Variants in ACOT7 observed in about 807,000 individuals in gnomAD.
ACOT7 encodes the protein acyl-CoA thioesterase 7, also known as cytosolic acyl coenzyme A thioester hydrolase.
Under a neutral mutation model 40.2 loss-of-function variants are expected in ACOT7, and 12 were observed. That is an observed-to-expected ratio of 0.30 (90% confidence interval 0.19 to 0.48). The LOEUF is 0.48. Among genes scored for constraint, ACOT7 ranks in the 20% least tolerant of loss-of-function variants. ACOT7 has a pLI of 0.99. For missense variants in ACOT7, 395 were observed against 530.8 expected, an observed-to-expected ratio of 0.74 and a Z score of 2.51; for synonymous variants, 228 against 219.5, an observed-to-expected ratio of 1.04 and a Z score of -0.34.
chr1:6,291,891 G>A (rs1639675603), intron 7 of ACOT7, among the ~76,000 whole-genome samples: 1 of 152,218 alleles, frequency 6.6e-6, no homozygotes, highest in Admixed American at 6.5e-5. Context: ...GCCTCGCTCT[G>A]TTTCCCTACC....
chr1:6,294,475 ACCCTGC>A lies in ACOT7; in HGVS notation c.829+383_829+388del, dbSNP rs533494721. ...GGCTCCTGCGGGCTTTTCTGTACTG[ACCCTGC>A]CACTGCCTAAATCATGAATCATTAA... On this transcript the variant is annotated intron_variant, in intron 7 of 8. Coordinates refer to ENST00000361521, the MANE Select transcript of ACOT7 (RefSeq NM_007274.4). The surrounding 1 kb of genome is among the most constrained non-coding windows in gnomAD (Gnocchi z 4.6). Among the ~76,000 whole-genome samples the A allele has an allele frequency of 3.8e-4, 58 of 152,218 alleles. No homozygotes were observed. Among genetic ancestry groups the A allele is most frequent in the African/African-American group, 1.3e-3 (55 of 41,534 alleles).
intron 5 of ACOT7, among the ~76,000 whole-genome samples, chr1:6,322,713 C>T (rs1261508309): frequency 2.0e-5 from 3 of 152,202 alleles, no homozygotes; most frequent in Admixed American, 2.0e-4. Context: ...AACTTAATTA[C>T]CTCTTTAAAG....
chr1:6,325,009 A>G (rs971115763), intron 5 of ACOT7, among the ~76,000 whole-genome samples: 1 of 152,138 alleles, frequency 6.6e-6, no homozygotes, highest in Non-Finnish European at 1.5e-5. Context: ...TGCCCTCCCA[A>G]AAGCACGGCC....
At chr1:6,310,236 G>T (rs900811408) in intron 6 of ACOT7, among the ~76,000 whole-genome samples, 1 of 152,254 alleles carries the variant, frequency 6.6e-6, no homozygotes, top group Non-Finnish European at 1.5e-5. Flanking sequence ...CGGGAGAAAA[G>T]GTGGGAAGAG....
At chr1:6,360,850 G>A (rs1356228124) in intron 1 of ACOT7, 6 of 1,098,562 alleles carry the variant, frequency 5.5e-6, no homozygotes, top group African/African-American at 1.6e-5. Context: ...AAATCAGTGA[G>A]GACCTACCAG....
intron 2 of ACOT7, among the ~76,000 whole-genome samples, chr1:6,339,884 C>T (rs1421236390): frequency 4.7e-5 from 7 of 150,354 alleles, no homozygotes; most frequent in Non-Finnish European, 8.8e-5. Flanking sequence ...GGACTACAGG[C>T]GCCCGCTGGG....
intron 1 of ACOT7, among the ~76,000 whole-genome samples, chr1:6,366,490 G>GGTGGGA (rs1642014310): frequency 6.6e-6 from 1 of 151,902 alleles, no homozygotes; most frequent in African/African-American, 2.4e-5. Flanking sequence ...AGAGGCTAAG[G>GGTGGGA]GTGGGAGGAT....
intron 6 of ACOT7, 46 bp downstream of exon 6, chr1:6,318,443 CAAT>C: frequency 1.9e-6 from 3 of 1,583,402 alleles, no homozygotes; most frequent in African/African-American, 1.3e-5. Context: ...AGAGAAGCAA[CAAT>C]GAGCCAAGGG....
At chr1:6,328,771 T>C (rs1640876140) in intron 4 of ACOT7, among the ~76,000 whole-genome samples, 2 of 152,202 alleles carry the variant, frequency 1.3e-5, no homozygotes, top group African/African-American at 4.8e-5. Flanking sequence ...GGATACTGCA[T>C]TTCTTGGACG....
chr1:6,363,364 T>C (rs1045149355), intron 1 of ACOT7, among the ~76,000 whole-genome samples: 3 of 152,020 alleles, frequency 2.0e-5, no homozygotes, highest in Non-Finnish European at 2.9e-5. Flanking sequence ...GGAGTCTCCC[T>C]TTCCCCCGGG....
chr1:6,325,419 A>C (rs1229940553), intron 5 of ACOT7, among the ~76,000 whole-genome samples: 1 of 149,470 alleles, frequency 6.7e-6, no homozygotes, highest in African/African-American at 2.5e-5. Context: ...AAAAAAAGAT[A>C]TCTCTTTACT....
intron 8 of ACOT7, among the ~76,000 whole-genome samples, chr1:6,264,998 CG>C (rs1557620968): frequency 6.6e-6 from 1 of 152,152 alleles, no homozygotes. Flanking sequence ...AAGGGCATGG[CG>C]GGTCAGAAGC....
intron 2 of ACOT7, among the ~76,000 whole-genome samples, chr1:6,341,529 TC>T (rs1396413157): frequency 6.6e-6 from 1 of 152,132 alleles, no homozygotes; most frequent in Non-Finnish European, 1.5e-5. Context: ...GATCACACGG[TC>T]AGGAGATCGA....
intron 5 of ACOT7, 79 bp from the exon 6 acceptor site, chr1:6,318,657 C>T: frequency 7.0e-7 from 1 of 1,421,158 alleles, no homozygotes. Context: ...GCCGAAACCA[C>T]CCTCAGGTCT....
chr1:6,327,182 G>T, intron 5 of ACOT7, 117 bp downstream of exon 5: 1 of 1,036,222 alleles, frequency 9.7e-7, no homozygotes, highest in Non-Finnish European at 1.4e-6. Context: ...TTCCCGGAGA[G>T]CATGCTCAGC....
chr1:6,315,600 A>C (rs542713334), intron 6 of ACOT7, among the ~76,000 whole-genome samples: 145 of 151,898 alleles, frequency 9.5e-4, no homozygotes, highest in African/African-American at 3.3e-3. Context: ...AAATACAAAA[A>C]ATTATCTGGG....
At chr1:6,344,895 C>G (rs1641378863) in intron 2 of ACOT7, among the ~76,000 whole-genome samples, 1 of 151,640 alleles carries the variant, frequency 6.6e-6, no homozygotes, top group Admixed American at 6.6e-5. Context: ...GTTTTACTAT[C>G]TGGCAGCCTG....
chr1:6,364,787 G>C (rs1384987983), intron 1 of ACOT7, among the ~76,000 whole-genome samples: 1 of 146,772 alleles, frequency 6.8e-6, no homozygotes, highest in Admixed American at 7.0e-5. Context: ...GGCGGAGGTT[G>C]CAGTGAGCCA....
At chr1:6,292,892 T>TC (rs1311132160) in intron 7 of ACOT7, among the ~76,000 whole-genome samples, 1 of 146,542 alleles carries the variant, frequency 6.8e-6, no homozygotes, top group Non-Finnish European at 1.5e-5. Context: ...TCTTTTTCTT[T>TC]TTTTTTTTTT....
Sources: allele counts gnomAD v4.1 joint callset (sites outside exome capture counted in the v4.1 genomes callset), GRCh38; gene constraint gnomAD v4.1.1; non-coding constraint Gnocchi (gnomAD v3.1); transcripts MANE v1.5; gene names NCBI Gene and HGNC (gene_info 2026-07-23, HGNC 2026-07-21).